The following LAMA2 variants were observed in gnomAD, a reference collection of about 807,000 sequenced individuals.
LAMA2 encodes the protein laminin subunit alpha-2.
Under a neutral mutation model 364.8 loss-of-function variants are expected in LAMA2, and 269 were observed. The observed-to-expected ratio is 0.74, with a 90% CI of 0.67 to 0.82. The LOEUF (loss-of-function observed/expected upper bound fraction) is 0.82. Among genes scored for constraint, LAMA2 ranks in the 40% least tolerant of loss-of-function variants. The pLI is 0.00. For synonymous variants in LAMA2, 1,379 were observed against 1,370.6 expected (o/e 1.01, Z -0.14); for missense variants, 3,807 against 3,873.2 (o/e 0.98, Z 0.45).
chr6:129,126,450 T>G (rs1777119715), intron 4 of LAMA2, among the ~76,000 whole-genome samples: 1 of 152,224 alleles, frequency 6.6e-6, no homozygotes, highest in African/African-American at 2.4e-5. Context: ...ATAAAATGTT[T>G]CTTGAGTCTG....
chr6:129,088,507 T>TGGCCAGGCGGGGC (rs1774549236), intron 3 of LAMA2, among the ~76,000 whole-genome samples: 2 of 150,658 alleles, frequency 1.3e-5, no homozygotes, highest in Admixed American at 6.6e-5. Flanking sequence ...CCAGACGGGG[T>TGGCCAGGCGGGGC]GGCTGGCCAG....
In LAMA2 at chr6:129,420,637, A is replaced by ATCT. The variant is rs139483832; in HGVS notation, c.5866-7113_5866-7111dup. Among the ~76,000 whole-genome samples, 437 of 152,328 alleles carry ATCT rather than the reference A, an allele frequency of 2.9e-3. 3 individuals carry two copies. Among genetic ancestry groups the ATCT allele is most frequent in the African/African-American group, 1.0e-2 (414 of 41,554 alleles). On this transcript the variant is annotated intron_variant, in intron 40 of 64. Transcript: ENST00000421865. ...AAAAAACAGAAAATAAATATTTTAC[A>ATCT]TCTTTTACAGCCAACTCTTTCAATG... is the stretch of plus-strand genomic sequence containing the variant.
At chr6:129,227,345 TC>T (rs1441651797) in intron 12 of LAMA2, among the ~76,000 whole-genome samples, 10 of 152,226 alleles carry the variant, frequency 6.6e-5, no homozygotes, top group Admixed American at 6.5e-5. Context: ...AAAGTCATTC[TC>T]CATCCAGCTT....
intron 1 of LAMA2, among the ~76,000 whole-genome samples, chr6:129,043,721 G>A (rs1186625371): frequency 6.8e-6 from 1 of 147,866 alleles, no homozygotes; most frequent in Non-Finnish European, 1.5e-5. Flanking sequence ...ATGAATAATA[G>A]CACATTGTAG....
At chr6:129,235,573 G>A (rs185326363) in intron 12 of LAMA2, among the ~76,000 whole-genome samples, 67 of 152,230 alleles carry the variant, frequency 4.4e-4, no homozygotes, top group African/African-American at 1.5e-3. Flanking sequence ...TGAACTCTTA[G>A]CAGGAACTTT....
At chr6:129,250,695 T>C (rs1432274689) in intron 13 of LAMA2, among the ~76,000 whole-genome samples, 2 of 152,174 alleles carry the variant, frequency 1.3e-5, no homozygotes, top group Non-Finnish European at 2.9e-5. Context: ...CTTTCAAGAT[T>C]TGAAGGGCCA....
In LAMA2 at chr6:129,147,264, CT is replaced by C. The variant is rs10647857; in HGVS notation, c.909+233del. ...GTATAAGAAAACAGATTAGTTTTTCCTTTTTTTTTTTTTTTTTCAAAAAGGC... is the reference window on the plus strand; with the variant it reads ...GTATAAGAAAACAGATTAGTTTTTCCTTTTTTTTTTTTTTTTCAAAAAGGC... On this transcript the variant is annotated intron_variant, in intron 6 of 64. Transcript: ENST00000421865. Among the ~76,000 whole-genome samples the C allele has an allele frequency of 7.7e-3, 963 of 125,520 alleles. 5 individuals carry two copies. Among genetic ancestry groups the C allele is most frequent in the Admixed American group, 0.021 (262 of 12,334 alleles). The allele number at this position is 125,520 out of a possible 152,430, so 82.3% of individuals were successfully genotyped here. A position where few individuals can be genotyped will look rare whatever the true frequency, so the allele number is the denominator to read the frequency against.
intron 56 of LAMA2, among the ~76,000 whole-genome samples, chr6:129,491,349 C>A (rs1784852086): frequency 6.6e-6 from 1 of 152,140 alleles, no homozygotes; most frequent in Admixed American, 6.5e-5. Flanking sequence ...AATGAAACAG[C>A]CACTAAGGAA....
chr6:129,113,201 G>T (rs771281724), intron 4 of LAMA2, among the ~76,000 whole-genome samples: 1 of 152,110 alleles, frequency 6.6e-6, no homozygotes, highest in East Asian at 1.9e-4. Flanking sequence ...AACATGAGGG[G>T]CTCTGTCACT....
intron 51 of LAMA2, among the ~76,000 whole-genome samples, chr6:129,468,714 T>C (rs1031273232): frequency 3.3e-5 from 5 of 151,858 alleles, no homozygotes; most frequent in Non-Finnish European, 5.9e-5. Context: ...CTTGGCAAAA[T>C]AACCTTACTA....
At position 129,427,794 on chromosome 6, in the gene LAMA2, T is replaced by G; in HGVS notation, c.5908T>G (p.Cys1970Gly). Reference sequence around the variant, plus strand: ...TTTATTAAAGGAAGATGCCAAAGGCTGTCTTCAGAAAAGCTTCAGGATTCT... The same window carrying G: ...TTTATTAAAGGAAGATGCCAAAGGCGGTCTTCAGAAAAGCTTCAGGATTCT... ...RGLLKEDAKGCLQKSFRILNE... is the reference protein window; with the variant it reads ...RGLLKEDAKGGLQKSFRILNE... The change falls in exon 41 of 65, where the codon TGT becomes GGT. Residue 1970 changes from cysteine to glycine, a missense_variant. Coordinates refer to ENST00000421865, the MANE Select transcript of LAMA2 (RefSeq NM_000426.4). 6.2e-7 allele frequency: 1 copy of G among 1,613,878 alleles called. No individual in the cohort carries two copies. The highest frequency in any genetic ancestry group is 8.5e-7 in the Non-Finnish European group (1 of 1,179,866).
In LAMA2 at chr6:129,516,317, C is replaced by A. The variant is rs182391310; in HGVS notation, c.9339C>A (p.Gly3113=). The A allele has an allele frequency of 4.3e-6, 7 of 1,613,916 alleles. No individual in the cohort carries two copies. The African/African-American group carries it at 9.3e-5, about 22-fold the overall frequency. Residue 3113 remains glycine (G), a synonymous_variant, in exon 65 of 65, where the codon GGC becomes GGA. Coordinates refer to ENST00000421865, the MANE Select transcript of LAMA2 (RefSeq NM_000426.4). ...VNFAKALELR[G]VQPVSCPAN ...TTGCCAAGGCCCTGGAACTGAGGGG[C>A]GTTCAACCTGTATCATGCCCAGCCA...
chr6:129,265,981 A>G (rs1394774070), intron 15 of LAMA2, among the ~76,000 whole-genome samples: 1 of 151,996 alleles, frequency 6.6e-6, no homozygotes, highest in Non-Finnish European at 1.5e-5. Flanking sequence ...TTATGTGTTC[A>G]TTATTGATGT....
At chr6:129,180,900 C>A (rs1029603939) in intron 10 of LAMA2, among the ~76,000 whole-genome samples, 18 of 151,878 alleles carry the variant, frequency 1.2e-4, no homozygotes, top group Non-Finnish European at 1.0e-4. Flanking sequence ...GTTTTAATGC[C>A]CTCACTAGGA....
chr6:129,279,350 G>A (rs1788546700), intron 17 of LAMA2, among the ~76,000 whole-genome samples: 1 of 152,168 alleles, frequency 6.6e-6, no homozygotes, highest in African/African-American at 2.4e-5. Flanking sequence ...TTCTCTGTTG[G>A]TTCTTCATCT....
At chr6:129,260,059 T>TTATG (rs1387433406) in intron 14 of LAMA2, among the ~76,000 whole-genome samples, 2 of 152,096 alleles carry the variant, frequency 1.3e-5, no homozygotes. Context: ...AAATAATGAG[T>TTATG]TATGCCAAAT....
intron 9 of LAMA2, among the ~76,000 whole-genome samples, chr6:129,167,193 G>C (rs565739370): frequency 2.0e-5 from 3 of 151,530 alleles, no homozygotes; most frequent in African/African-American, 4.8e-5. Context: ...TAAGTTTTAG[G>C]GTACATGTGC....
intron 55 of LAMA2, among the ~76,000 whole-genome samples, chr6:129,485,373 A>G (rs1422957418): frequency 6.6e-6 from 1 of 152,256 alleles, no homozygotes; most frequent in African/African-American, 2.4e-5. Context: ...AAAGTAAGTT[A>G]AAATGACATT....
At chr6:129,466,301 C>T (rs1477429506) in intron 51 of LAMA2, among the ~76,000 whole-genome samples, 2 of 151,874 alleles carry the variant, frequency 1.3e-5, no homozygotes, top group Non-Finnish European at 2.9e-5. Context: ...AGAAGAGAGA[C>T]ACTTGAGTCA....
Sources: allele counts gnomAD v4.1 joint callset (sites outside exome capture counted in the v4.1 genomes callset), GRCh38; gene constraint gnomAD v4.1.1; transcripts MANE v1.5; gene names NCBI Gene and HGNC (gene_info 2026-07-23, HGNC 2026-07-21).